RALYL: variants seen among roughly 807,000 people sequenced by gnomAD.
RALYL encodes the protein RNA-binding Raly-like protein.
A neutral mutation model predicts 35.1 loss-of-function variants in RALYL; 29 were observed. The observed-to-expected ratio is 0.83, with a 90% CI of 0.61 to 1.13. RALYL has a LOEUF of 1.13. RALYL is among the 50% of genes most tolerant of loss of function. The pLI, the probability that RALYL is intolerant of heterozygous loss-of-function variation, is 0.00. For synonymous variants in RALYL, 120 were observed against 127.6 expected, an observed-to-expected ratio of 0.94 and a Z score of 0.40; for missense variants, 359 against 360.4, an observed-to-expected ratio of 1.00 and a Z score of 0.03.
At chr8:84,732,021 G>A in intron 2 of RALYL, among the ~76,000 whole-genome samples, 1 of 152,092 alleles carries the variant, frequency 6.6e-6, no homozygotes, top group East Asian at 1.9e-4. Flanking sequence ...TCAGACCTCA[G>A]GTGAAATGTG....
intron 1 of RALYL, among the ~76,000 whole-genome samples, chr8:84,522,288 C>T (rs1181410469): frequency 2.2e-5 from 3 of 137,250 alleles, no homozygotes; most frequent in Admixed American, 1.6e-4. Flanking sequence ...CTCGCTCTGT[C>T]GCCCAGGCTG....
chr8:84,779,598 C>T (rs1237062131), intron 3 of RALYL, among the ~76,000 whole-genome samples: 6 of 152,166 alleles, frequency 3.9e-5, no homozygotes, highest in Non-Finnish European at 8.8e-5. Context: ...AAGATTGTCA[C>T]AAGTCATTTC....
At chr8:84,462,931 T>C (rs753996005) in intron 1 of RALYL, among the ~76,000 whole-genome samples, 3 of 151,870 alleles carry the variant, frequency 2.0e-5, no homozygotes, top group Non-Finnish European at 2.9e-5. Context: ...ACCTGAGTTA[T>C]TCATTCATTC....
chr8:84,409,077 T>C (rs1348056954), intron 1 of RALYL, among the ~76,000 whole-genome samples: 1 of 151,996 alleles, frequency 6.6e-6, no homozygotes, highest in African/African-American at 2.4e-5. Flanking sequence ...AATTTTGACC[T>C]CCCCAAGTGG....
chr8:84,406,434 T>C (rs543658772), intron 1 of RALYL, among the ~76,000 whole-genome samples: 39 of 151,960 alleles, frequency 2.6e-4, no homozygotes, highest in African/African-American at 8.0e-4. Flanking sequence ...GGAGTAGTGA[T>C]GAAAAATAAA....
rs1257547937 is a variant in RALYL at position 84,274,831 on chromosome 8, G to GT, written c.-24+90414dup. Among the ~76,000 whole-genome samples, 6 of 152,220 alleles carry GT rather than the reference G, an allele frequency of 3.9e-5. No individual in the cohort carries two copies. The East Asian group carries it at 1.2e-3, about 29-fold the overall frequency. Reference sequence around the variant, plus strand: ...AACTCTGTCATCTCTTCTTATGGTAGTTTTTTTGCCATATGGCATCTGAAA... The same window carrying GT: ...AACTCTGTCATCTCTTCTTATGGTAGTTTTTTTTGCCATATGGCATCTGAAA... On this transcript the variant is annotated intron_variant, in intron 1 of 8. Transcript: ENST00000521268.
At chr8:84,727,091 A>G (rs1845103546) in intron 2 of RALYL, among the ~76,000 whole-genome samples, 1 of 152,128 alleles carries the variant, frequency 6.6e-6, no homozygotes, top group African/African-American at 2.4e-5. Flanking sequence ...GTTAAGCACC[A>G]AATTCCCCTT....
intron 1 of RALYL, among the ~76,000 whole-genome samples, chr8:84,288,611 G>T (rs994819364): frequency 6.8e-6 from 1 of 146,678 alleles, no homozygotes; most frequent in Non-Finnish European, 1.5e-5. Flanking sequence ...AAATTGTATT[G>T]CCCAGTTTGA....
chr8:84,685,330 C>G (rs929467789), intron 2 of RALYL, among the ~76,000 whole-genome samples: 1 of 151,982 alleles, frequency 6.6e-6, no homozygotes, highest in Non-Finnish European at 1.5e-5. Context: ...CCATTGTAAC[C>G]CATCAACTCT....
At chr8:84,590,803 C>A (rs1246753032) in intron 2 of RALYL, among the ~76,000 whole-genome samples, 1 of 152,050 alleles carries the variant, frequency 6.6e-6, no homozygotes, top group Non-Finnish European at 1.5e-5. Context: ...TGCAGTCAAA[C>A]CTGGAAGTAA....
At chr8:84,775,997 A>G (rs1336443415) in intron 3 of RALYL, among the ~76,000 whole-genome samples, 3 of 152,218 alleles carry the variant, frequency 2.0e-5, no homozygotes, top group African/African-American at 7.2e-5. Flanking sequence ...TCCCAGATAC[A>G]TATCATCAGT....
intron 2 of RALYL, among the ~76,000 whole-genome samples, chr8:84,542,063 AC>A (rs2060051883): frequency 1.3e-5 from 2 of 152,078 alleles, no homozygotes; most frequent in African/African-American, 4.8e-5. Context: ...ATTTGTGTCT[AC>A]AAGTTTGCTG....
rs556495836 is a variant in RALYL at position 84,235,767 on chromosome 8, CT to C, written c.-24+51361del. ...TGCATTTCTTTTTCTTTTTCTTTTT[CT>C]TTTTTTTTTTTTTTTTTGAGACAGA... On this transcript the variant is annotated intron_variant, in intron 1 of 8. Transcript: ENST00000521268. Among the ~76,000 whole-genome samples, 832 of 126,904 alleles carry C rather than the reference CT, an allele frequency of 6.6e-3. 4 individuals carry two copies. The highest frequency in any genetic ancestry group is 0.018 in the African/African-American group (589 of 32,856). The allele number at this position is 126,904 out of a possible 152,430, so 83.3% of individuals were successfully genotyped here.
intron 2 of RALYL, among the ~76,000 whole-genome samples, chr8:84,712,724 G>A (rs531738175): frequency 6.6e-6 from 1 of 152,224 alleles, no homozygotes; most frequent in South Asian, 2.1e-4. Flanking sequence ...TTTCTGCAGA[G>A]TATACTTTAT....
intron 1 of RALYL, among the ~76,000 whole-genome samples, chr8:84,189,680 T>C (rs1317446257): frequency 1.3e-5 from 2 of 152,076 alleles, no homozygotes; most frequent in African/African-American, 4.8e-5. Context: ...TCATGTTTTT[T>C]TTTTTTTTCC....
chr8:84,777,491 A>G (rs1439348842), intron 3 of RALYL, among the ~76,000 whole-genome samples: 1 of 152,202 alleles, frequency 6.6e-6, no homozygotes, highest in Non-Finnish European at 1.5e-5. Flanking sequence ...TTTTTGTAAC[A>G]TAGTAGTTGT....
intron 1 of RALYL, among the ~76,000 whole-genome samples, chr8:84,323,268 C>G (rs1202914027): frequency 6.6e-6 from 1 of 151,846 alleles, no homozygotes; most frequent in Non-Finnish European, 1.5e-5. Context: ...AAATATATTG[C>G]ATATAAAATT....
At chr8:84,831,089 A>T (rs77816502) in intron 4 of RALYL, among the ~76,000 whole-genome samples, 2,225 of 152,242 alleles carry the variant, frequency 0.015, 39 homozygotes, top group African/African-American at 0.051. Context: ...GGGATGAAAC[A>T]CCATTGAGTT....
intron 2 of RALYL, among the ~76,000 whole-genome samples, chr8:84,639,242 GA>G (rs1441925499): frequency 6.6e-6 from 1 of 151,550 alleles, no homozygotes; most frequent in East Asian, 1.9e-4. Context: ...TAGAGAAAAA[GA>G]AAAAACATAT....
Sources: allele counts gnomAD v4.1 joint callset (sites outside exome capture counted in the v4.1 genomes callset), GRCh38; gene constraint gnomAD v4.1.1; transcripts MANE v1.5; gene names NCBI Gene and HGNC (gene_info 2026-07-23, HGNC 2026-07-21).